Variants in POU5F1 observed in about 807,000 individuals in gnomAD.
The protein encoded by POU5F1 is POU class 5 homeobox 1.
POU5F1 carries 6 observed loss-of-function variants against 38.3 expected under a neutral mutation model. The ratio of observed to expected loss-of-function variants is 0.16; its 90% confidence interval spans 0.09 to 0.31. POU5F1 has a LOEUF of 0.31. Ranked by LOEUF, POU5F1 falls within the 10% of genes least tolerant of loss-of-function variation. The pLI is 1.00. For synonymous variants in POU5F1, 147 were observed against 194.9 expected, an observed-to-expected ratio of 0.75 and a Z score of 2.05; for missense variants, 286 against 462.6, an observed-to-expected ratio of 0.62 and a Z score of 3.50.
intron 1 of POU5F1, 175 bp downstream of exon 1, chr6:31,170,041 C>T: frequency 9.8e-7 from 1 of 1,021,488 alleles, no homozygotes; most frequent in African/African-American, 1.6e-5. Flanking sequence ...CCACCTGGCC[C>T]CTGCCTGCCA....
intron 1 of POU5F1, chr6:31,166,937 T>C (rs1483419984): frequency 8.8e-7 from 1 of 1,137,052 alleles, no homozygotes; most frequent in South Asian, 1.4e-5. Context: ...GTGCTTTGTG[T>C]GTACTTACTC....
At chr6:31,167,722 A>G (rs570262938) in intron 1 of POU5F1, among the ~76,000 whole-genome samples, 1 of 151,968 alleles carries the variant, frequency 6.6e-6, no homozygotes, top group Admixed American at 6.6e-5. Context: ...ATTAAAAAAA[A>G]AATAAAGCAG....
At chr6:31,164,941 C>G (rs1777101804) in intron 4 of POU5F1, 74 bp from the exon 5 acceptor site, 7 of 1,568,262 alleles carry the variant, frequency 4.5e-6, no homozygotes, top group Non-Finnish European at 5.2e-6. Flanking sequence ...CTTGGACATT[C>G]TATCCAAAGC....
intron 1 of POU5F1, chr6:31,166,876 C>T (rs1014676128): frequency 1.2e-5 from 15 of 1,297,530 alleles, no homozygotes; most frequent in Non-Finnish European, 1.5e-5. Context: ...ACATGGCATG[C>T]ATACACACAA....
Position 31,165,538 on chromosome 6 carries a change from G to T in POU5F1, c.657+33C>A. 6.2e-7 allele frequency: 1 copy of T among 1,612,454 alleles called. No homozygotes were observed. The highest frequency in any genetic ancestry group is 8.5e-7 in the Non-Finnish European group (1 of 1,179,926). ...GCAATGGAAATTAGGCCAAGAAAGGGAAGGTCCCCGGGTATCCCCCTCCCA... is the reference window on the plus strand; with the variant it reads ...GCAATGGAAATTAGGCCAAGAAAGGTAAGGTCCCCGGGTATCCCCCTCCCA... On this transcript the variant is annotated intron_variant, in intron 3 of 4. Transcript: ENST00000259915. The surrounding 1 kb of genome is among the most constrained non-coding windows in gnomAD (Gnocchi z 6.5).
Position 31,165,561 on chromosome 6 carries a change from C to G in POU5F1, c.657+10G>C. 6.2e-7 allele frequency: 1 copy of G among 1,613,610 alleles called. No individual in the cohort carries two copies. Among genetic ancestry groups the G allele is most frequent in the Non-Finnish European group, 8.5e-7 (1 of 1,180,036 alleles). On this transcript the variant is annotated intron_variant, in intron 3 of 4. Coordinates refer to ENST00000259915, the MANE Select transcript of POU5F1 (RefSeq NM_002701.6). The surrounding 1 kb of genome is among the most constrained non-coding windows in gnomAD (Gnocchi z 6.5). The stretch of plus-strand genomic sequence containing the variant: ...GGGAAGGTCCCCGGGTATCCCCCTC[C>G]CACCCTTACCTCCTGAAGATTTTCA...
intron 1 of POU5F1, among the ~76,000 whole-genome samples, chr6:31,168,642 A>G (rs1777455626): frequency 6.6e-6 from 1 of 152,200 alleles, no homozygotes; most frequent in South Asian, 2.1e-4. Context: ...GTTGTGATTG[A>G]TTCAGGATGT....
rs930130200 is a variant in POU5F1 at position 31,164,409 on chromosome 6, T to C, written c.*192A>G. On this transcript the variant is annotated 3_prime_UTR_variant, in exon 5 of 5. Coordinates refer to ENST00000259915, the MANE Select transcript of POU5F1 (RefSeq NM_002701.6). Reference sequence around the variant, plus strand: ...AGTGATACATGATGTGGGATTAAAATCAAGAGCATCATTGAACTTCACCTT... The same window carrying C: ...AGTGATACATGATGTGGGATTAAAACCAAGAGCATCATTGAACTTCACCTT... 9.0e-7 allele frequency: 1 copy of C among 1,114,028 alleles called. No individual in the cohort carries two copies. Among genetic ancestry groups the C allele is most frequent in the Non-Finnish European group, 1.3e-6 (1 of 792,550 alleles). 69.0% of individuals were successfully genotyped at this position (1,114,028 alleles called of 1,614,324 possible).
At chr6:31,169,257 C>G (rs1219177751) in intron 1 of POU5F1, among the ~76,000 whole-genome samples, 1 of 152,202 alleles carries the variant, frequency 6.6e-6, no homozygotes, top group Non-Finnish European at 1.5e-5. Context: ...CAGCCATTAT[C>G]ATTCAAGGCT....
chr6:31,166,960 G>T, intron 1 of POU5F1: 1 of 1,001,634 alleles, frequency 1.0e-6, no homozygotes, highest in Admixed American at 2.4e-5. Context: ...TTTTTAAATT[G>T]ATTATCCCTC....
At position 31,166,043 on chromosome 6, in the gene POU5F1, T is replaced by G; in HGVS notation, c.410A>C (p.Gln137Pro). The change falls in exon 2 of 5, where the codon CAG (glutamine) becomes CCG (proline). Residue 137 changes from glutamine to proline, a missense_variant. Transcript: ENST00000259915. Reference protein sequence around the residue: ...EKLEQNPEESQDIKALQKELE... With the variant: ...EKLEQNPEESPDIKALQKELE... ...TTCTTTCTGCAGAGCTTTGATGTCC[T>G]GGGACTGGATTTTAAAAGGCAGAAG... The G allele has an allele frequency of 6.2e-7, 1 of 1,614,232 alleles. No individual in the cohort carries two copies. Among genetic ancestry groups the G allele is most frequent in the Non-Finnish European group, 8.5e-7 (1 of 1,180,036 alleles).
At chr6:31,164,991 G>T (rs892157659) in intron 4 of POU5F1, 124 bp from the exon 5 acceptor site, 18 of 1,547,644 alleles carry the variant, frequency 1.2e-5, no homozygotes, top group Admixed American at 2.0e-5. Flanking sequence ...ATTAGAGAAT[G>T]AGCTGAGACA....
intron 1 of POU5F1, chr6:31,166,866 A>G: frequency 7.8e-7 from 1 of 1,278,382 alleles, no homozygotes; most frequent in African/African-American, 1.5e-5. Context: ...ACAAACTATA[A>G]CATGGCATGC....
chr6:31,166,333 C>A (rs1311441900), intron 1 of POU5F1: 1 of 1,376,200 alleles, frequency 7.3e-7, no homozygotes, highest in Non-Finnish European at 9.4e-7. Flanking sequence ...AAAGAGAGAC[C>A]CTGGCCTCGA....
intron 1 of POU5F1, chr6:31,166,310 C>T (rs1265163): frequency 2.0e-6 from 3 of 1,498,318 alleles, no homozygotes; most frequent in African/African-American, 2.8e-5. Flanking sequence ...TGCAGAGCAT[C>T]GTGAAAGGAC....
chr6:31,166,831 C>T, intron 1 of POU5F1: 1 of 1,236,380 alleles, frequency 8.1e-7, no homozygotes, highest in Non-Finnish European at 1.0e-6. Flanking sequence ...AGTATATACT[C>T]TCCCCAGCTT....
At chr6:31,166,075 A>C (rs760230615) in intron 1 of POU5F1, 28 bp from the exon 2 acceptor site, 1 of 1,614,230 alleles carries the variant, frequency 6.2e-7, no homozygotes, top group South Asian at 1.1e-5. Flanking sequence ...GAAGACTTGT[A>C]AGAACATAAA....
At chr6:31,170,186 C>A in intron 1 of POU5F1, 30 bp downstream of exon 1, 2 of 1,612,720 alleles carry the variant, frequency 1.2e-6, no homozygotes, top group South Asian at 2.2e-5. Context: ...ACCACCTCCC[C>A]ACACCCCAAC....
At chr6:31,166,389 G>A (rs1291997215) in intron 1 of POU5F1, 7 of 1,392,014 alleles carry the variant, frequency 5.0e-6, no homozygotes, top group African/African-American at 1.4e-5. Context: ...TGCTGGGCGC[G>A]GTGGCTCACG....
Sources: allele counts gnomAD v4.1 joint callset (sites outside exome capture counted in the v4.1 genomes callset), GRCh38; gene constraint gnomAD v4.1.1; non-coding constraint Gnocchi (gnomAD v3.1); transcripts MANE v1.5; gene names NCBI Gene and HGNC (gene_info 2026-07-23, HGNC 2026-07-21).